The following NCKAP1 variants were observed in gnomAD, a reference collection of about 807,000 sequenced individuals.
NCKAP1 encodes the protein nck-associated protein 1.
A neutral mutation model predicts 151.2 loss-of-function variants in NCKAP1; 21 were observed. The observed-to-expected ratio is 0.14, with a 90% CI of 0.10 to 0.20. The LOEUF is 0.20. Among genes scored for constraint, NCKAP1 ranks in the 10% least tolerant of loss-of-function variants. The probability of loss-of-function intolerance (pLI) is 1.00; values close to 1 mark genes in which losing one functional copy is unlikely to be tolerated. For synonymous variants in NCKAP1, 484 were observed against 451.8 expected (o/e 1.07, Z -0.90); for missense variants, 933 against 1,352.1 (o/e 0.69, Z 4.86).
At chr2:183,030,081 T>C (rs1183611423) in intron 1 of NCKAP1, among the ~76,000 whole-genome samples, 1 of 152,154 alleles carries the variant, frequency 6.6e-6, no homozygotes, top group African/African-American at 2.4e-5. Context: ...TCTAAAAATA[T>C]ATGTCCCCTC....
intron 2 of NCKAP1, among the ~76,000 whole-genome samples, chr2:183,006,956 C>CT (rs1698483605): frequency 6.6e-6 from 1 of 152,178 alleles, no homozygotes; most frequent in Non-Finnish European, 1.5e-5. Flanking sequence ...ACTGCAATCT[C>CT]TGCCTTCCGA....
intron 9 of NCKAP1, among the ~76,000 whole-genome samples, chr2:182,988,024 A>G (rs1332626698): frequency 6.6e-6 from 1 of 152,200 alleles, no homozygotes; most frequent in East Asian, 1.9e-4. Flanking sequence ...ACTGAGTTAT[A>G]CAGCTAAGAT....
intron 2 of NCKAP1, among the ~76,000 whole-genome samples, chr2:183,004,753 G>A (rs937822513): frequency 2.0e-5 from 3 of 151,642 alleles, no homozygotes; most frequent in Admixed American, 6.6e-5. Flanking sequence ...GCATGGTGGC[G>A]CATGCCTGTA....
At chr2:183,022,875 G>A (rs1559110192) in intron 2 of NCKAP1, 1 of 152,172 alleles carries the variant, frequency 6.6e-6, no homozygotes, top group South Asian at 2.1e-4. Context: ...CCAGTCAAGT[G>A]CAGTAGTGAG....
At chr2:183,019,405 T>G (rs1438166833) in intron 2 of NCKAP1, among the ~76,000 whole-genome samples, 4 of 152,138 alleles carry the variant, frequency 2.6e-5, no homozygotes, top group Non-Finnish European at 4.4e-5. Context: ...AACATACACC[T>G]GAACATTTGC....
chr2:182,942,716 G>C (rs942992198), intron 23 of NCKAP1, among the ~76,000 whole-genome samples: 1 of 151,910 alleles, frequency 6.6e-6, no homozygotes, highest in African/African-American at 2.4e-5. Flanking sequence ...ACAGACCACT[G>C]AGAAAAGGGA....
rs914351122 is a variant in NCKAP1 at position 182,924,843 on chromosome 2, A to C, written c.*859T>G. The C allele has an allele frequency of 1.4e-4, 22 of 152,274 alleles. No individual in the cohort carries two copies. Among genetic ancestry groups the C allele is most frequent in the African/African-American group, 5.1e-4 (21 of 41,572 alleles). 9.4% of individuals were successfully genotyped at this position (152,274 alleles called of 1,614,324 possible). A position where few individuals can be genotyped will look rare whatever the true frequency, so the allele number is the denominator to read the frequency against. On this transcript the variant is annotated 3_prime_UTR_variant, in exon 31 of 31. Transcript: ENST00000361354. ...ACTAAGTTTAAACAAAAACTTTATT[A>C]TTATTGAACGAATATCCAAGGATCT...
At chr2:182,984,733 C>T (rs1698015575) in intron 10 of NCKAP1, among the ~76,000 whole-genome samples, 1 of 152,060 alleles carries the variant, frequency 6.6e-6, no homozygotes, top group Non-Finnish European at 1.5e-5. Context: ...CGTGTCATTT[C>T]CAAGAAGAAA....
chr2:182,926,217 A>G (rs958741505), intron 30 of NCKAP1, among the ~76,000 whole-genome samples: 1 of 152,106 alleles, frequency 6.6e-6, no homozygotes, highest in Non-Finnish European at 1.5e-5. Context: ...AATGAAATGG[A>G]AAGCTGTAAA....
In NCKAP1 at chr2:182,918,711, T is replaced by TA. The variant is rs748488367; in HGVS notation, c.*6990dup. On this transcript the variant is annotated 3_prime_UTR_variant, in exon 31 of 31. Coordinates refer to ENST00000361354, the MANE Select transcript of NCKAP1 (RefSeq NM_013436.5). ...GGGAGGATGGGAACGGGTCTAGGGA[T>TA]AAAAAACTACACATTGGGTACAATG... The TA allele has an allele frequency of 1.3e-5, 2 of 152,094 alleles. No homozygotes were observed. The highest frequency in any genetic ancestry group is 2.4e-5 in the African/African-American group (1 of 41,420). The allele number at this position is 152,094 out of a possible 1,614,324, so 9.4% of individuals were successfully genotyped here.
At chr2:183,021,834 G>T in intron 2 of NCKAP1, among the ~76,000 whole-genome samples, 1 of 152,026 alleles carries the variant, frequency 6.6e-6, no homozygotes, top group East Asian at 1.9e-4. Flanking sequence ...AGTTTCTTTG[G>T]GTGGTGATGA....
At chr2:182,935,220 C>G (rs1696849566) in intron 25 of NCKAP1, 73 bp downstream of exon 25, 1 of 1,090,926 alleles carries the variant, frequency 9.2e-7, no homozygotes, top group Non-Finnish European at 1.3e-6. Flanking sequence ...GAATCTGAAA[C>G]TTAACTTTAA....
chr2:182,954,886 T>TA (rs1177750087), intron 20 of NCKAP1, among the ~76,000 whole-genome samples: 45 of 149,162 alleles, frequency 3.0e-4, no homozygotes, highest in Middle Eastern at 3.4e-3. Context: ...GATGTTTGGT[T>TA]AAAAAAAAAA....
At chr2:182,972,380 T>A (rs536353332) in intron 15 of NCKAP1, among the ~76,000 whole-genome samples, 76 of 152,060 alleles carry the variant, frequency 5.0e-4, no homozygotes, top group Non-Finnish European at 9.0e-4. Flanking sequence ...TGAGACATCA[T>A]CTCACCCCAG....
chr2:183,003,870 A>G (rs1405336266), intron 2 of NCKAP1, among the ~76,000 whole-genome samples: 3 of 152,222 alleles, frequency 2.0e-5, no homozygotes, highest in East Asian at 1.9e-4. Flanking sequence ...CACAACAACA[A>G]AAAAGAAATG....
Position 182,918,081 on chromosome 2 carries a change from C to T in NCKAP1, c.*7621G>A, listed in dbSNP as rs540033276. ...TAATCTCAGCACTGCCACTCAAACTCAGTAATTTTATGACACTGGGGCAAG... is the reference window on the plus strand; with the variant it reads ...TAATCTCAGCACTGCCACTCAAACTTAGTAATTTTATGACACTGGGGCAAG... On this transcript the variant is annotated 3_prime_UTR_variant, in exon 31 of 31. Transcript: ENST00000361354. 6.6e-6 allele frequency: 1 copy of T among 152,294 alleles called. No individual in the cohort carries two copies. Among genetic ancestry groups the T allele is most frequent in the South Asian group, 2.1e-4 (1 of 4,820 alleles). 9.4% of individuals were successfully genotyped at this position (152,294 alleles called of 1,614,324 possible).
chr2:182,945,801 G>A (rs1287262216), intron 23 of NCKAP1, among the ~76,000 whole-genome samples: 2 of 152,078 alleles, frequency 1.3e-5, no homozygotes, highest in African/African-American at 4.8e-5. Flanking sequence ...TCTCATTACT[G>A]GGTATATACC....
At chr2:182,989,515 C>T (rs1698124885) in intron 8 of NCKAP1, among the ~76,000 whole-genome samples, 1 of 152,040 alleles carries the variant, frequency 6.6e-6, no homozygotes, top group Non-Finnish European at 1.5e-5. Flanking sequence ...TAACATAATG[C>T]AGTAATCATT....
chr2:182,957,494 C>T lies in NCKAP1; in HGVS notation c.1984G>A (p.Val662Ile), dbSNP rs1415161576. Residue 662 changes from valine to isoleucine, a missense_variant, in exon 19 of 31, where the codon GTT (valine) becomes ATT (isoleucine). Val to Ile is a conservative substitution (Grantham distance 29). This residue lies in a region of NCKAP1 where 326 missense variants were observed against 557.1 expected (regional missense o/e 0.59). Coordinates refer to ENST00000361354, the MANE Select transcript of NCKAP1 (RefSeq NM_013436.5). Reference protein sequence around the residue: ...KGEPEREKPGVESMRKNRLVV... With the variant: ...KGEPEREKPGIESMRKNRLVV... ...AGCCTGTTTTTCCTCATGCTCTCAACACCTGGTTTCTCCCTTTCAGGTTCC... is the reference window on the plus strand; with the variant it reads ...AGCCTGTTTTTCCTCATGCTCTCAATACCTGGTTTCTCCCTTTCAGGTTCC... The T allele has an allele frequency of 4.3e-6, 7 of 1,613,922 alleles. No homozygotes were observed. The highest frequency in any genetic ancestry group is 5.9e-6 in the Non-Finnish European group (7 of 1,179,948).
Sources: allele counts gnomAD v4.1 joint callset (sites outside exome capture counted in the v4.1 genomes callset), GRCh38; gene constraint gnomAD v4.1.1; regional missense constraint gnomAD v4.1.1; transcripts MANE v1.5; gene names NCBI Gene and HGNC (gene_info 2026-07-23, HGNC 2026-07-21).